The following KHDRBS2 variants were observed in gnomAD, a reference collection of about 807,000 sequenced individuals.
KHDRBS2 encodes KH RNA binding domain containing, signal transduction associated 2, also known as KH domain-containing, RNA-binding, signal transduction-associated protein 2.
In KHDRBS2, 26 loss-of-function variants were observed where a neutral mutation model predicts 44.3. The ratio of observed to expected loss-of-function variants is 0.59; its 90% CI spans 0.43 to 0.81. The LOEUF (loss-of-function observed/expected upper bound fraction) is 0.81. Ranked by LOEUF, KHDRBS2 falls within the 40% of genes least tolerant of loss-of-function variation. The pLI is 0.00. For missense variants in KHDRBS2, 476 were observed against 433.1 expected, an observed-to-expected ratio of 1.10 and a Z score of -0.88; for synonymous variants, 194 against 151.1, an observed-to-expected ratio of 1.28 and a Z score of -2.08.
intron 3 of KHDRBS2, among the ~76,000 whole-genome samples, chr6:62,038,783 A>G (rs1472249365): frequency 6.6e-6 from 1 of 152,082 alleles, no homozygotes; most frequent in Non-Finnish European, 1.5e-5. Context: ...ATTAAAATAA[A>G]CACTTAACAG....
intron 2 of KHDRBS2, among the ~76,000 whole-genome samples, chr6:62,127,703 A>ATCTACTGTCC (rs1809299145): frequency 1.3e-5 from 2 of 152,106 alleles, no homozygotes; most frequent in African/African-American, 4.8e-5. Context: ...CACAGAACAA[A>ATCTACTGTCC]TCTACTGTCT....
At chr6:62,132,380 C>T (rs1009387483) in intron 2 of KHDRBS2, among the ~76,000 whole-genome samples, 4 of 152,140 alleles carry the variant, frequency 2.6e-5, no homozygotes, top group Non-Finnish European at 2.9e-5. Flanking sequence ...GCACCCAAAT[C>T]ATTACCTCCT....
At chr6:61,649,130 C>T in the KHDRBS2 span, among the ~76,000 whole-genome samples, 2 of 152,042 alleles carry the variant, frequency 1.3e-5, no homozygotes, top group African/African-American at 4.8e-5. Flanking sequence ...GGTCACCACT[C>T]AGAAGGGAAG....
chr6:61,844,170 A>G (rs1224984227), intron 6 of KHDRBS2, among the ~76,000 whole-genome samples: 1 of 152,168 alleles, frequency 6.6e-6, no homozygotes, highest in Non-Finnish European at 1.5e-5. Flanking sequence ...AAAGGCCTCA[A>G]ATTACCATAT....
intron 1 of KHDRBS2, among the ~76,000 whole-genome samples, chr6:62,228,975 C>G (rs1832406182): frequency 6.6e-6 from 1 of 152,144 alleles, no homozygotes; most frequent in Non-Finnish European, 1.5e-5. Flanking sequence ...GGATCTCACC[C>G]AGTTGGGTGG....
chr6:61,861,569 C>A (rs1796971086), intron 6 of KHDRBS2, among the ~76,000 whole-genome samples: 1 of 150,394 alleles, frequency 6.6e-6, no homozygotes, highest in Admixed American at 6.6e-5. Flanking sequence ...TTCCATTGGT[C>A]TATGTGTCTT....
chr6:61,590,239 C>T, the KHDRBS2 span, among the ~76,000 whole-genome samples: 1 of 152,108 alleles, frequency 6.6e-6, no homozygotes, highest in Non-Finnish European at 1.5e-5. Flanking sequence ...GTATGGAGCA[C>T]TTTTATGATG....
the KHDRBS2 span, among the ~76,000 whole-genome samples, chr6:61,597,756 A>ATT: frequency 1.8e-5 from 1 of 54,272 alleles, no homozygotes. Context: ...ATATATATAT[A>ATT]TACATATATA....
chr6:61,766,975 G>A (rs1780105753), intron 6 of KHDRBS2, among the ~76,000 whole-genome samples: 1 of 152,074 alleles, frequency 6.6e-6, no homozygotes, highest in South Asian at 2.1e-4. Context: ...GGGCTATTGG[G>A]TCTATGGTGC....
chr6:62,100,475 C>A (rs2127372465), intron 2 of KHDRBS2, among the ~76,000 whole-genome samples: 1 of 152,258 alleles, frequency 6.6e-6, no homozygotes, highest in East Asian at 1.9e-4. Flanking sequence ...TATCAAACAG[C>A]ATCACATGCT....
intron 6 of KHDRBS2, among the ~76,000 whole-genome samples, chr6:61,787,546 A>G (rs1784009738): frequency 6.6e-6 from 1 of 151,732 alleles, no homozygotes; most frequent in South Asian, 2.1e-4. Flanking sequence ...ACAAATGTCA[A>G]AGGTTTCATA....
chr6:61,640,584 T>C, the KHDRBS2 span, among the ~76,000 whole-genome samples: 1 of 152,050 alleles, frequency 6.6e-6, no homozygotes, highest in South Asian at 2.1e-4. Flanking sequence ...GGACCCATCA[T>C]TGTTACTCAT....
At chr6:62,122,714 C>CGTGTCTTATATTATAAAACTGCACGTTA (rs1807964534) in intron 2 of KHDRBS2, among the ~76,000 whole-genome samples, 14 of 150,222 alleles carry the variant, frequency 9.3e-5, no homozygotes, top group African/African-American at 1.5e-4. Context: ...AAGACACCAC[C>CGTGTCTTATATTATAAAACTGCACGTTA]TGAAAGTGGA....
chr6:61,742,151 C>T (rs1047086918), intron 6 of KHDRBS2, among the ~76,000 whole-genome samples: 5 of 151,866 alleles, frequency 3.3e-5, no homozygotes, highest in Non-Finnish European at 5.9e-5. Flanking sequence ...AAGTGATTTG[C>T]AAATGCTGCC....
chr6:61,979,716 T>A (rs1272509873), intron 3 of KHDRBS2, among the ~76,000 whole-genome samples: 1 of 152,140 alleles, frequency 6.6e-6, no homozygotes, highest in East Asian at 1.9e-4. Flanking sequence ...TGCCCAATTA[T>A]CAGTTTGGGG....
chr6:61,706,863 A>G (rs184084974), intron 7 of KHDRBS2, among the ~76,000 whole-genome samples: 1 of 151,924 alleles, frequency 6.6e-6, no homozygotes, highest in East Asian at 1.9e-4. Context: ...TAGGAAATAC[A>G]CAGTGAACAA....
Position 61,751,022 on chromosome 6 carries a change from A to T in KHDRBS2, c.811-18258T>A, listed in dbSNP as rs188202727. 5.3e-5 allele frequency among the ~76,000 whole-genome samples: 8 copies of T among 152,244 alleles called. No homozygotes were observed. In the East Asian group the frequency reaches 1.5e-3, roughly 29 times the overall value. ...ACTTTATGTCATAATATAGTAAAAG[A>T]ACTTTGATTGATATATTTTAAGACC... On this transcript the variant is annotated intron_variant, in intron 6 of 8. Coordinates refer to ENST00000281156, the MANE Select transcript of KHDRBS2 (RefSeq NM_152688.4).
chr6:61,827,573 G>A (rs1791100681), intron 6 of KHDRBS2, among the ~76,000 whole-genome samples: 1 of 152,082 alleles, frequency 6.6e-6, no homozygotes, highest in Non-Finnish European at 1.5e-5. Flanking sequence ...ACAGCTCTCT[G>A]GGGTATATAT....
intron 6 of KHDRBS2, among the ~76,000 whole-genome samples, chr6:61,893,226 A>ATG (rs1802308128): frequency 2.6e-5 from 4 of 152,178 alleles, no homozygotes; most frequent in Non-Finnish European, 5.9e-5. Flanking sequence ...TTAGAATGGC[A>ATG]ATCATTAAAA....
Sources: gnomAD v4.1 joint callset for allele counts (sites outside exome capture counted in the v4.1 genomes callset) on GRCh38, gnomAD v4.1.1 for gene constraint, MANE v1.5 for transcripts, NCBI Gene and HGNC (gene_info 2026-07-23, HGNC 2026-07-21) for gene names.